The following TTC7A variants were observed in gnomAD, a reference collection of about 807,000 sequenced individuals.
The protein encoded by TTC7A is tetratricopeptide repeat domain 7A.
In TTC7A, 110 loss-of-function variants were observed where a neutral mutation model predicts 103.7. The ratio of observed to expected loss-of-function variants is 1.06; its 90% CI spans 0.91 to 1.24. The LOEUF is 1.24. Ranked by LOEUF, TTC7A falls within the 50% of genes most tolerant of loss-of-function variation. The probability of loss-of-function intolerance (pLI) is 0.00; values close to 1 mark genes in which losing one functional copy is unlikely to be tolerated. For missense variants in TTC7A, 1,340 were observed against 1,116.3 expected, an observed-to-expected ratio of 1.20 and a Z score of -2.86; for synonymous variants, 521 against 467.9, an observed-to-expected ratio of 1.11 and a Z score of -1.47.
At position 46,974,915 on chromosome 2, in the gene TTC7A, G is replaced by T. The variant is rs1673718098; in HGVS notation, c.518-58G>T. The T allele has an allele frequency of 6.9e-6, 11 of 1,593,922 alleles. No individual in the cohort carries two copies. In the South Asian group the frequency reaches 1.2e-4, roughly 18 times the overall value. ...GAGCCCACCTTCGGCCCATGGGGAG[G>T]GCCTGGAGTCAGGGGGCCCGAGCAG... On this transcript the variant is annotated intron_variant, in intron 3 of 19. Coordinates refer to ENST00000319190, the MANE Select transcript of TTC7A (RefSeq NM_020458.4).
At position 46,989,096 on chromosome 2, in the gene TTC7A, A is replaced by G. The variant is rs1179247554; in HGVS notation, c.765-4354A>G. Among the ~76,000 whole-genome samples, 180 of 152,266 alleles carry G rather than the reference A, an allele frequency of 1.2e-3. 2 individuals are homozygous for G. Among genetic ancestry groups the G allele is most frequent in the Non-Finnish European group, 8.8e-5 (6 of 68,014 alleles). The stretch of plus-strand genomic sequence containing the variant: ...GAAACGTGTAGCACTGCCTGCTGCC[A>G]CCTAGGGGACTGGGGAGCTTGCCAG... On this transcript the variant is annotated intron_variant, in intron 5 of 19. Coordinates refer to ENST00000319190, the MANE Select transcript of TTC7A (RefSeq NM_020458.4).
chr2:47,060,395 A>G (rs982087456), intron 18 of TTC7A, among the ~76,000 whole-genome samples: 3 of 152,090 alleles, frequency 2.0e-5, no homozygotes, highest in Non-Finnish European at 4.4e-5. Flanking sequence ...ATTTTTTTTA[A>G]AAAAAAGGCT....
At chr2:46,983,138 A>G (rs1674643226) in intron 5 of TTC7A, among the ~76,000 whole-genome samples, 1 of 152,158 alleles carries the variant, frequency 6.6e-6, no homozygotes, top group Non-Finnish European at 1.5e-5. Flanking sequence ...CTCAAGTGGT[A>G]GGCCAGGGAG....
chr2:46,916,172 C>G (rs1346476619), exon 1 of TTC7A: 2 of 985,224 alleles, frequency 2.0e-6, no homozygotes, highest in Non-Finnish European at 2.4e-6. Context: ...ATACAGGGCT[C>G]TTGGTTCAGG....
In TTC7A at chr2:46,965,143, T is replaced by C. The variant is rs567063915; in HGVS notation, c.517+8136T>C. The stretch of plus-strand genomic sequence containing the variant: ...CTGCAGATTCTCCTCTCCCCGCCCG[T>C]TGAAGATGGGCTTCTTTTTTTACTG... On this transcript the variant is annotated intron_variant, in intron 3 of 19. Coordinates refer to ENST00000319190, the MANE Select transcript of TTC7A (RefSeq NM_020458.4). Among the ~76,000 whole-genome samples, 7 of 152,352 alleles carry C rather than the reference T, an allele frequency of 4.6e-5. No homozygotes were observed. The South Asian group carries it at 1.2e-3, about 27-fold the overall frequency.
At chr2:46,969,440 G>A (rs1673158766) in intron 3 of TTC7A, among the ~76,000 whole-genome samples, 1 of 152,078 alleles carries the variant, frequency 6.6e-6, no homozygotes, top group South Asian at 2.1e-4. Flanking sequence ...CCGGGAGGCA[G>A]AGCTTGCAGT....
At chr2:47,011,674 C>CAG (rs1678067584) in intron 11 of TTC7A, among the ~76,000 whole-genome samples, 1 of 152,196 alleles carries the variant, frequency 6.6e-6, no homozygotes, top group Admixed American at 6.5e-5. Context: ...CTGTGGCCTC[C>CAG]AGAGAGTGAA....
chr2:47,016,560 A>G (rs1034978555), intron 11 of TTC7A, among the ~76,000 whole-genome samples: 6 of 152,232 alleles, frequency 3.9e-5, no homozygotes, highest in Non-Finnish European at 7.3e-5. Flanking sequence ...TGGCTGCCCT[A>G]GATAAACAAG....
At chr2:47,040,670 G>A (rs1681637628) in intron 15 of TTC7A, 2 of 152,360 alleles carry the variant, frequency 1.3e-5, no homozygotes, top group Middle Eastern at 6.8e-3. Flanking sequence ...CTTGGGATCG[G>A]GCCGGCCTGC....
Position 47,060,951 on chromosome 2 carries a change from G to C in TTC7A, c.2335G>C (p.Val779Leu). Residue 779 changes from valine (V) to leucine (L), a missense_variant, in exon 19 of 20, where the codon GTG becomes CTG. Val to Leu is a conservative substitution (Grantham distance 32). Transcript: ENST00000319190. ...KEALTVNPDGVRIMHSLGLML... is the reference protein window; with the variant it reads ...KEALTVNPDGLRIMHSLGLML... ...GGCGCTCACGGTGAACCCAGATGGC[G>C]TGCGCATCATGCATAGCCTGGTGAG... The C allele has an allele frequency of 6.2e-7, 1 of 1,613,132 alleles. No individual in the cohort carries two copies. The highest frequency in any genetic ancestry group is 8.5e-7 in the Non-Finnish European group (1 of 1,179,588).
intron 2 of TTC7A, among the ~76,000 whole-genome samples, chr2:46,954,270 C>T (rs1400138605): frequency 2.0e-5 from 3 of 152,114 alleles, no homozygotes; most frequent in Non-Finnish European, 2.9e-5. Context: ...GTAGGTGATG[C>T]GCTGATCCAC....
intron 3 of TTC7A, among the ~76,000 whole-genome samples, chr2:46,966,027 G>A (rs1007086887): frequency 2.6e-5 from 4 of 151,906 alleles, no homozygotes; most frequent in African/African-American, 4.8e-5. Context: ...TCAGCTCACC[G>A]CAACCTCCAC....
chr2:46,995,035 G>A (rs1291972200), intron 7 of TTC7A, 101 bp from the exon 8 acceptor site: 11 of 1,081,426 alleles, frequency 1.0e-5, no homozygotes, highest in South Asian at 1.3e-5. Flanking sequence ...TCACCTTACC[G>A]AGCTGGTGCT....
intron 1 of TTC7A, among the ~76,000 whole-genome samples, chr2:46,949,159 T>A (rs142124328): frequency 3.0e-4 from 45 of 152,300 alleles, no homozygotes; most frequent in Non-Finnish European, 5.6e-4. Flanking sequence ...CTGCTGTAGG[T>A]AGCAGGAATC....
chr2:47,022,082 C>A, intron 12 of TTC7A, 103 bp downstream of exon 12: 2 of 757,698 alleles, frequency 2.6e-6, no homozygotes, highest in South Asian at 1.7e-5. Flanking sequence ...TCAGGCCATG[C>A]CTCCATAGAC....
Position 47,073,933 on chromosome 2 carries a change from A to C in TTC7A, c.*10A>C. On this transcript the variant is annotated 3_prime_UTR_variant, in exon 20 of 20. Coordinates refer to ENST00000319190, the MANE Select transcript of TTC7A (RefSeq NM_020458.4). ...CCCCAGAGAGCTCTGACGACGCTGCAGCCGCAGGGAGGGAGGGGCTGGCCA... is the reference window on the plus strand; with the variant it reads ...CCCCAGAGAGCTCTGACGACGCTGCCGCCGCAGGGAGGGAGGGGCTGGCCA... 6.2e-7 allele frequency: 1 copy of C among 1,603,592 alleles called. No homozygotes were observed. Among genetic ancestry groups the C allele is most frequent in the Non-Finnish European group, 8.5e-7 (1 of 1,174,342 alleles).
intron 18 of TTC7A, among the ~76,000 whole-genome samples, chr2:47,055,727 A>C (rs1011027529): frequency 6.6e-6 from 1 of 152,052 alleles, no homozygotes; most frequent in Non-Finnish European, 1.5e-5. Flanking sequence ...CCTGAGTCTC[A>C]GCTCCCCAGT....
At position 46,941,659 on chromosome 2, in the gene TTC7A, A is replaced by G; in HGVS notation, c.118A>G (p.Ser40Gly). 1 of 1,552,166 alleles carries G rather than the reference A, an allele frequency of 6.4e-7. No individual in the cohort carries two copies. Among genetic ancestry groups the G allele is most frequent in the African/African-American group, 1.4e-5 (1 of 73,296 alleles). Residue 40 changes from serine (S) to glycine (G), a missense_variant, in exon 1 of 20, where the codon AGC (serine) becomes GGC (glycine). Physicochemically the swap from Ser to Gly is moderately conservative, Grantham distance 56. Transcript: ENST00000319190. This position sits in a 1 kb window ranked among gnomAD's most constrained non-coding sequence, Gnocchi z 4.2. ...PELVRQLQTLSMPGGGGNRRG... is the reference protein window; with the variant it reads ...PELVRQLQTLGMPGGGGNRRG... ...GCTGGTCCGGCAGCTGCAGACGCTG[A>G]GCATGCCCGGCGGCGGAGGTAACAG...
chr2:47,021,028 C>T (rs1459046568), intron 11 of TTC7A, among the ~76,000 whole-genome samples: 1 of 152,220 alleles, frequency 6.6e-6, no homozygotes, highest in Non-Finnish European at 1.5e-5. Flanking sequence ...TTGCACATGG[C>T]ATTCAGTCTC....
Sources: allele counts gnomAD v4.1 joint callset (sites outside exome capture counted in the v4.1 genomes callset), GRCh38; gene constraint gnomAD v4.1.1; non-coding constraint Gnocchi (gnomAD v3.1); transcripts MANE v1.5; gene names NCBI Gene and HGNC (gene_info 2026-07-23, HGNC 2026-07-21).